Variants in KANSL1 observed in about 807,000 individuals in gnomAD.
The protein encoded by KANSL1 is MLL1/MLL complex subunit KANSL1.
In KANSL1, 22 loss-of-function variants were observed where a neutral mutation model predicts 103.6. The ratio of observed to expected loss-of-function variants is 0.21; its 90% CI spans 0.15 to 0.30. The LOEUF is 0.30. KANSL1 is among the 10% of genes least tolerant of loss of function. The probability of loss-of-function intolerance (pLI) is 1.00; values close to 1 mark genes in which losing one functional copy is unlikely to be tolerated. For synonymous variants in KANSL1, 600 were observed against 527.6 expected, an observed-to-expected ratio of 1.14 and a Z score of -1.88; for missense variants, 1,337 against 1,399.8, an observed-to-expected ratio of 0.96 and a Z score of 0.72.
At chr17:46,115,771 A>G (rs1430949049) in intron 2 of KANSL1, among the ~76,000 whole-genome samples, 1 of 152,242 alleles carries the variant, frequency 6.6e-6, no homozygotes, top group African/African-American at 2.4e-5. Context: ...TAAGGCATTT[A>G]AAAAACATAC....
chr17:46,159,587 A>AG (rs1343805951), intron 2 of KANSL1, among the ~76,000 whole-genome samples: 4 of 152,270 alleles, frequency 2.6e-5, no homozygotes, highest in Non-Finnish European at 5.9e-5. Flanking sequence ...TATGGTAACT[A>AG]GATTTACCAG....
intron 2 of KANSL1, among the ~76,000 whole-genome samples, chr17:46,165,518 A>G (rs947457668): frequency 7.0e-6 from 1 of 143,172 alleles, no homozygotes; most frequent in African/African-American, 2.7e-5. Flanking sequence ...AGGTATTTTT[A>G]TTTTTTTTTT....
chr17:46,039,226 G>C lies in KANSL1; in HGVS notation c.2204-11C>G. On this transcript the variant is annotated splice_polypyrimidine_tract_variant and intron_variant, in intron 8 of 14. Transcript: ENST00000432791. The stretch of plus-strand genomic sequence containing the variant: ...GGTGATGGGACAGCTCTGAAGAGGG[G>C]AACAGAAAAAGAGCTGTGAAATATG... 1 of 1,548,470 alleles carries C rather than the reference G, an allele frequency of 6.5e-7. No individual in the cohort carries two copies. Among genetic ancestry groups the C allele is most frequent in the Non-Finnish European group, 8.7e-7 (1 of 1,153,420 alleles).
intron 2 of KANSL1, among the ~76,000 whole-genome samples, chr17:46,131,735 C>T (rs1430642042): frequency 6.6e-6 from 1 of 152,198 alleles, no homozygotes; most frequent in African/African-American, 2.4e-5. Flanking sequence ...CTAAATCATG[C>T]AGTACAAACT....
intron 1 of KANSL1, among the ~76,000 whole-genome samples, chr17:46,207,461 A>G (rs1445559910): frequency 6.6e-6 from 1 of 151,544 alleles, no homozygotes; most frequent in Non-Finnish European, 1.5e-5. Context: ...GTGAGCCAAG[A>G]TAGTGCCACT....
chr17:46,121,060 C>T (rs778129406), intron 2 of KANSL1, among the ~76,000 whole-genome samples: 5 of 152,170 alleles, frequency 3.3e-5, no homozygotes, highest in Non-Finnish European at 4.4e-5. Flanking sequence ...TCAGCAAATC[C>T]TACCTGCTCT....
intron 6 of KANSL1, among the ~76,000 whole-genome samples, chr17:46,054,227 T>A (rs941901944): frequency 6.6e-6 from 1 of 152,228 alleles, no homozygotes; most frequent in Admixed American, 6.5e-5. Context: ...TAATCTTTTA[T>A]ATTTTTAGTA....
chr17:46,162,417 G>A (rs991003084), intron 2 of KANSL1, among the ~76,000 whole-genome samples: 1 of 152,288 alleles, frequency 6.6e-6, no homozygotes, highest in South Asian at 2.1e-4. Context: ...GCTCTACAAA[G>A]GACACTCCAG....
intron 2 of KANSL1, among the ~76,000 whole-genome samples, chr17:46,104,363 G>A (rs1280776903): frequency 9.9e-5 from 15 of 152,128 alleles, no homozygotes; most frequent in African/African-American, 3.4e-4. Context: ...CGTCTCTCCA[G>A]GAAAGTTTTT....
chr17:46,160,563 G>C (rs1488902163), intron 2 of KANSL1, among the ~76,000 whole-genome samples: 2 of 152,154 alleles, frequency 1.3e-5, no homozygotes, highest in African/African-American at 4.8e-5. Context: ...CCAAGTGCTG[G>C]AATTACAGGA....
At chr17:46,222,618 G>A (rs1598001264) in intron 1 of KANSL1, 1 of 152,228 alleles carries the variant, frequency 6.6e-6, no homozygotes, top group African/African-American at 2.4e-5. Flanking sequence ...TGAGAACTCA[G>A]CCTACATGAC....
Position 46,099,337 on chromosome 17 carries a change from A to C in KANSL1, c.1290-4636T>G, listed in dbSNP as rs1341858388. 1.8e-5 allele frequency among the ~76,000 whole-genome samples: 2 copies of C among 111,546 alleles called. 1 individual carries two copies. Among genetic ancestry groups the C allele is most frequent in the Admixed American group, 1.9e-4 (2 of 10,310 alleles). The allele number at this position is 111,546 out of a possible 152,430, so 73.2% of individuals were successfully genotyped here. On this transcript the variant is annotated intron_variant, in intron 2 of 14. Transcript: ENST00000432791. ...AGACTCCGTCTCAAAAAAAAAAAAA[A>C]CAAAACAAAAAAAAAACAAATACAA...
intron 1 of KANSL1, among the ~76,000 whole-genome samples, chr17:46,184,922 C>T (rs1322715994): frequency 1.3e-5 from 2 of 151,160 alleles, no homozygotes; most frequent in African/African-American, 4.9e-5. Flanking sequence ...TCACTGCAAC[C>T]TCCACCTCCT....
chr17:46,098,123 A>G (rs8065825), intron 2 of KANSL1, among the ~76,000 whole-genome samples: 54,167 of 148,578 alleles, frequency 0.36, 11,067 homozygotes, highest in South Asian at 0.6. Context: ...AATGATCTCA[A>G]GAGATCAATA....
At chr17:46,200,780 T>C (rs1160888661) in intron 1 of KANSL1, among the ~76,000 whole-genome samples, 16 of 152,102 alleles carry the variant, frequency 1.1e-4, no homozygotes, top group Non-Finnish European at 7.3e-5. Context: ...TTTACGTCAG[T>C]TGCTGATTCT....
chr17:46,087,933 G>A (rs1411108001), intron 3 of KANSL1, among the ~76,000 whole-genome samples: 13 of 152,204 alleles, frequency 8.5e-5, no homozygotes, highest in Admixed American at 7.2e-4. Context: ...TAACATTCCA[G>A]GTTTAAACTG....
At chr17:46,105,898 AAGG>A (rs1567680366) in intron 2 of KANSL1, among the ~76,000 whole-genome samples, 27 of 103,036 alleles carry the variant, frequency 2.6e-4, no homozygotes, top group Non-Finnish European at 3.3e-4. Context: ...CACACAGAGC[AAGG>A]CCTTGACACA....
chr17:46,059,584 T>C (rs1332467834), intron 6 of KANSL1, among the ~76,000 whole-genome samples: 3 of 140,990 alleles, frequency 2.1e-5, no homozygotes, highest in Non-Finnish European at 4.5e-5. Context: ...GATCATGCCA[T>C]TGCACTTCAG....
chr17:46,201,625 A>G (rs2047807271), intron 1 of KANSL1, among the ~76,000 whole-genome samples: 1 of 151,968 alleles, frequency 6.6e-6, no homozygotes, highest in Admixed American at 6.6e-5. Flanking sequence ...TAATCCTAAC[A>G]CTTTGGGAGA....
Sources: gnomAD v4.1 joint callset for allele counts (sites outside exome capture counted in the v4.1 genomes callset) on GRCh38, gnomAD v4.1.1 for gene constraint, MANE v1.5 for transcripts, NCBI Gene and HGNC (gene_info 2026-07-23, HGNC 2026-07-21) for gene names.